Variants in ALDH3B2 observed in about 807,000 individuals in gnomAD.
ALDH3B2 encodes the protein aldehyde dehydrogenase 3 family member B2, also known as aldehyde dehydrogenase family 3 member B2.
Under a neutral mutation model 36.7 loss-of-function variants are expected in ALDH3B2, and 45 were observed. The ratio of observed to expected loss-of-function variants is 1.23; its 90% confidence interval spans 0.97 to 1.57. ALDH3B2 has a LOEUF of 1.57. ALDH3B2 is among the 40% of genes most tolerant of loss of function. The probability of loss-of-function intolerance (pLI) is 0.00; values close to 1 mark genes in which losing one functional copy is unlikely to be tolerated. For missense variants in ALDH3B2, 464 were observed against 513.3 expected (o/e 0.90, Z 0.93); for synonymous variants, 217 against 226.5 (o/e 0.96, Z 0.38).
intron 8 of ALDH3B2, 161 bp downstream of exon 8, chr11:67,664,235 G>A (rs1033609885): frequency 8.6e-7 from 1 of 1,168,914 alleles, no homozygotes; most frequent in Non-Finnish European, 1.2e-6. Context: ...TCTCTGCCAG[G>A]CATCCTTGCG....
At chr11:67,677,240 A>G (rs1856289007), upstream of ALDH3B2, among the ~76,000 whole-genome samples, 1 of 152,114 alleles carries the variant, frequency 6.6e-6, no homozygotes. Flanking sequence ...CACCATATCA[A>G]AAAGATAATC....
chr11:67,679,019 T>C (rs1435428647), upstream of ALDH3B2, among the ~76,000 whole-genome samples: 1 of 151,848 alleles, frequency 6.6e-6, no homozygotes, highest in Non-Finnish European at 1.5e-5. Flanking sequence ...TTTGGGGACT[T>C]GGAGGGAAGA....
At chr11:67,672,787 C>T (rs894502344) in intron 1 of ALDH3B2, among the ~76,000 whole-genome samples, 3 of 151,694 alleles carry the variant, frequency 2.0e-5, no homozygotes, top group African/African-American at 7.3e-5. Flanking sequence ...GACAGGATTT[C>T]ACCATGTTGG....
At chr11:67,668,817 CTT>C (rs1295586101) in intron 1 of ALDH3B2, among the ~76,000 whole-genome samples, 1 of 118,874 alleles carries the variant, frequency 8.4e-6, no homozygotes, top group Non-Finnish European at 1.7e-5. Flanking sequence ...TGCTGTGTGT[CTT>C]TGTGTGTATG....
At chr11:67,668,545 T>C (rs1232062321) in intron 1 of ALDH3B2, among the ~76,000 whole-genome samples, 1 of 152,152 alleles carries the variant, frequency 6.6e-6, no homozygotes, top group Non-Finnish European at 1.5e-5. Flanking sequence ...TCCGTGTGTC[T>C]GTGTGTGTCT....
chr11:67,663,794 C>G, intron 8 of ALDH3B2, 33 bp from the exon 9 acceptor site: 1 of 1,580,670 alleles, frequency 6.3e-7, no homozygotes, highest in South Asian at 1.1e-5. Context: ...GTGTTGGGCT[C>G]TAGTCATGAG....
In ALDH3B2 at chr11:67,665,728, C is replaced by T; in HGVS notation, c.320-57G>A. ...CAGTGACCTGGACCAGGCAGGATGG[C>T]CCAGCCCAGAGCCTGCTCCTCCCTG... On this transcript the variant is annotated intron_variant, in intron 6 of 9. Transcript: ENST00000349015. 8 of 1,554,514 alleles carry T rather than the reference C, an allele frequency of 5.1e-6. No homozygotes were observed. In the South Asian group the frequency reaches 8.6e-5, roughly 17 times the overall value.
upstream of ALDH3B2, among the ~76,000 whole-genome samples, chr11:67,678,477 G>T (rs1448085406): frequency 6.6e-6 from 1 of 152,150 alleles, no homozygotes; most frequent in Non-Finnish European, 1.5e-5. Flanking sequence ...ACTCAGGATG[G>T]ATTAAGGACT....
intron 6 of ALDH3B2, among the ~76,000 whole-genome samples, 182 bp from the exon 7 acceptor site, chr11:67,665,853 C>G (rs1855893561): frequency 6.6e-6 from 1 of 152,168 alleles, no homozygotes; most frequent in African/African-American, 2.4e-5. Flanking sequence ...CTCTTGCCCG[C>G]TTTCTTCATA....
intron 1 of ALDH3B2, among the ~76,000 whole-genome samples, chr11:67,680,260 G>A (rs1387473608): frequency 2.6e-5 from 4 of 152,202 alleles, no homozygotes; most frequent in Non-Finnish European, 5.9e-5. Context: ...CTTGCAGTAA[G>A]CCGAGATTGC....
At chr11:67,673,525 C>A (rs1022150584) in intron 1 of ALDH3B2, among the ~76,000 whole-genome samples, 1 of 152,206 alleles carries the variant, frequency 6.6e-6, no homozygotes, top group Non-Finnish European at 1.5e-5. Flanking sequence ...GAGGGACCAA[C>A]GTGTGCAAAA....
exon 1 of ALDH3B2, chr11:67,681,183 G>A (rs1004225015): frequency 4.6e-5 from 7 of 152,292 alleles, no homozygotes; most frequent in African/African-American, 1.7e-4. Flanking sequence ...TACAGTTATG[G>A]TGGAAGGGGA....
rs12278968 is a variant in ALDH3B2 at position 67,663,249 on chromosome 11, C to T, written c.1124G>A (p.Trp375Ter). The stretch of plus-strand genomic sequence containing the variant: ...GGTGCAGCTCTGGGAGCCCATGCCC[C>T]AGCGTAACAGCTGCTGGTTCCAGTC... The change falls in exon 10 of 10, where the codon TGG (tryptophan) becomes TAG (stop). Residue 375 changes from tryptophan to a stop codon, truncating the protein, a stop_gained. Transcript: ENST00000349015. LOFTEE classifies it high-confidence loss of function. The T allele has an allele frequency of 3.7e-6, 6 of 1,612,924 alleles. No individual in the cohort carries two copies. The highest frequency in any genetic ancestry group is 1.3e-5 in the African/African-American group (1 of 74,916).
chr11:67,673,601 A>T (rs1262744731), intron 1 of ALDH3B2: 1 of 152,398 alleles, frequency 6.6e-6, no homozygotes, highest in Non-Finnish European at 1.5e-5. Context: ...GGGACCTGTC[A>T]TATGGAGAGG....
intron 7 of ALDH3B2, among the ~76,000 whole-genome samples, chr11:67,665,057 A>G (rs886258771): frequency 6.6e-6 from 1 of 152,164 alleles, no homozygotes; most frequent in South Asian, 2.1e-4. Flanking sequence ...GGAGCCCTGG[A>G]ATCTGAGCTC....
At chr11:67,663,539 G>T in intron 9 of ALDH3B2, 123 bp downstream of exon 9, 1 of 1,344,074 alleles carries the variant, frequency 7.4e-7, no homozygotes, top group Non-Finnish European at 1.0e-6. Context: ...TTTACAGATA[G>T]GGAAACTGAG....
Position 67,666,893 on chromosome 11 carries a change from C to T in ALDH3B2, c.30+13G>A, listed in dbSNP as rs756364223. ...CCTGCCCTGCCCTCCTGCCGCCTGC[C>T]AGCAGGGCTCACCAGGTTCGTGGAC... On this transcript the variant is annotated intron_variant, in intron 3 of 9. Coordinates refer to ENST00000349015, the Ensembl canonical transcript of ALDH3B2. 1 of 1,614,222 alleles carries T rather than the reference C, an allele frequency of 6.2e-7. No homozygotes were observed. The highest frequency in any genetic ancestry group is 1.1e-5 in the South Asian group (1 of 91,090).
At chr11:67,666,234 G>C (rs970083093) in intron 5 of ALDH3B2, 31 bp from the exon 6 acceptor site, 6 of 1,498,836 alleles carry the variant, frequency 4.0e-6, no homozygotes, top group Non-Finnish European at 4.4e-6. Context: ...CTCGGGGCGG[G>C]CTCGGGGCCA....
intron 1 of ALDH3B2, among the ~76,000 whole-genome samples, chr11:67,671,833 G>A (rs903213941): frequency 6.7e-6 from 1 of 149,998 alleles, no homozygotes; most frequent in Non-Finnish European, 1.5e-5. Flanking sequence ...ATGAGCCACC[G>A]TGCGGGCCCC....
Sources: gnomAD v4.1 joint callset for allele counts (sites outside exome capture counted in the v4.1 genomes callset) on GRCh38, gnomAD v4.1.1 for gene constraint, MANE v1.5 for transcripts, NCBI Gene and HGNC (gene_info 2026-07-23, HGNC 2026-07-21) for gene names.